The following HMG20B variants were observed in gnomAD, a reference collection of about 807,000 sequenced individuals.
The protein encoded by HMG20B is high mobility group 20B, also known as SWI/SNF-related matrix-associated actin-dependent regulator of chromatin subfamily E member 1-related.
HMG20B carries 24 observed loss-of-function variants against 41.6 expected under a neutral mutation model. The ratio of observed to expected loss-of-function variants is 0.58; its 90% CI spans 0.42 to 0.81. The LOEUF (loss-of-function observed/expected upper bound fraction) is 0.81, where lower values mean the gene tolerates loss of function less well. HMG20B is among the 30% of genes least tolerant of loss of function. The probability of loss-of-function intolerance (pLI) is 0.00; values close to 1 mark genes in which losing one functional copy is unlikely to be tolerated. For synonymous variants in HMG20B, 251 were observed against 186.6 expected, an observed-to-expected ratio of 1.34 and a Z score of -2.81; for missense variants, 461 against 444.0, an observed-to-expected ratio of 1.04 and a Z score of -0.34.
At chr19:3,573,970 C>G in intron 3 of HMG20B, 170 bp downstream of exon 3, 1 of 723,614 alleles carries the variant, frequency 1.4e-6, no homozygotes, top group Non-Finnish European at 2.5e-6. Context: ...GGTCCTCTGC[C>G]ACTCTAAGTC....
At chr19:3,573,869 G>T (rs777893818) in intron 3 of HMG20B, 69 bp downstream of exon 3, 6 of 1,399,580 alleles carry the variant, frequency 4.3e-6, no homozygotes, top group Middle Eastern at 3.5e-4. Context: ...CCCGCCCCAG[G>T]CTGGATTTGA....
Position 3,573,640 on chromosome 19 carries a change from G to T in HMG20B, c.39-52G>T, listed in dbSNP as rs1023672861. ...TCAAAACGCCCTGGGGTGGGCTTTT[G>T]GGGGAGGGGAGATTCTTGGGACGGG... is the stretch of plus-strand genomic sequence containing the variant. On this transcript the variant is annotated intron_variant, in intron 2 of 9. Coordinates refer to ENST00000333651, the MANE Select transcript of HMG20B (RefSeq NM_006339.3). 4 of 1,421,160 alleles carry T rather than the reference G, an allele frequency of 2.8e-6. No homozygotes were observed. In the African/African-American group the frequency reaches 4.4e-5, roughly 16 times the overall value. 88.0% of individuals were successfully genotyped at this position (1,421,160 alleles called of 1,614,324 possible).
chr19:3,573,623 C>T (rs1599853368), intron 2 of HMG20B, 69 bp from the exon 3 acceptor site: 1 of 1,371,732 alleles, frequency 7.3e-7, no homozygotes, highest in Non-Finnish European at 9.6e-7. Flanking sequence ...GGTCAAAACG[C>T]CCTGGGGTGG....
At chr19:3,575,423 A>G in intron 4 of HMG20B, 117 bp from the exon 5 acceptor site, 1 of 1,468,604 alleles carries the variant, frequency 6.8e-7, no homozygotes, top group Non-Finnish European at 9.1e-7. Flanking sequence ...CCTGGAGGGA[A>G]TAGGGAGCTA....
chr19:3,574,063 C>T (rs1027740686), intron 3 of HMG20B: 30 of 650,332 alleles, frequency 4.6e-5, no homozygotes, highest in Middle Eastern at 6.0e-4. Context: ...GCACCCTCCC[C>T]TTGGTCCTGT....
At chr19:3,574,002 T>G (rs1402406317) in intron 3 of HMG20B, 7 of 698,072 alleles carry the variant, frequency 1.0e-5, no homozygotes, top group Non-Finnish European at 1.8e-5. Flanking sequence ...CACCGCACAA[T>G]GCCAGCTCTG....
rs776278979 is a variant in HMG20B at position 3,578,873 on chromosome 19, C to T, written c.*352C>T. 3 of 559,226 alleles carry T rather than the reference C, an allele frequency of 5.4e-6. No homozygotes were observed. The highest frequency in any genetic ancestry group is 1.9e-5 in the African/African-American group (1 of 53,662). 34.6% of individuals were successfully genotyped at this position (559,226 alleles called of 1,614,324 possible). ...GCACACGGCAGGACCCCCCAAATTA[C>T]TCACTACGGGGGGCTGTGCCATAGG... On this transcript the variant is annotated 3_prime_UTR_variant, in exon 10 of 10. Coordinates refer to ENST00000333651, the MANE Select transcript of HMG20B (RefSeq NM_006339.3).
intron 2 of HMG20B, 44 bp downstream of exon 2, chr19:3,573,391 G>A: frequency 6.7e-7 from 1 of 1,492,106 alleles, no homozygotes; most frequent in South Asian, 1.3e-5. Context: ...TACTTTCCCG[G>A]CTGCAGCCCT....
chr19:3,578,361 G>A (rs983683476), intron 9 of HMG20B, 148 bp from the exon 10 acceptor site: 2 of 1,260,220 alleles, frequency 1.6e-6, no homozygotes, highest in East Asian at 2.6e-5. Context: ...GGATCCCAGC[G>A]CCCGGGTTAG....
Position 3,578,520 on chromosome 19 carries a change from G to A in HMG20B, c.953G>A (p.Ter318=), listed in dbSNP as rs1258946679. 6.4e-7 allele frequency: 1 copy of A among 1,572,114 alleles called. No individual in the cohort carries two copies. Among genetic ancestry groups the A allele is most frequent in the East Asian group, 2.3e-5 (1 of 42,670 alleles). The change falls in exon 10 of 10, where the codon TGA becomes TAA. Residue 318 remains the stop codon, a stop_retained_variant. Transcript: ENST00000333651. The part of the protein sequence containing the change: ...ILAQVASEHL[*] ...CTCTCTCGTTTCAGCGAGCACCTGTGAGGAGTGGGCGGGCCCACGATGCAG... is the reference window on the plus strand; with the variant it reads ...CTCTCTCGTTTCAGCGAGCACCTGTAAGGAGTGGGCGGGCCCACGATGCAG...
intron 7 of HMG20B, 59 bp downstream of exon 7, chr19:3,576,684 G>T: frequency 6.7e-7 from 1 of 1,497,020 alleles, no homozygotes; most frequent in Non-Finnish European, 9.2e-7. Flanking sequence ...AGAGGGGGGC[G>T]TGGGCCAGGA....
chr19:3,574,320 C>T (rs2032109917), intron 3 of HMG20B, 63 bp from the exon 4 acceptor site: 2 of 1,276,982 alleles, frequency 1.6e-6, no homozygotes, highest in Non-Finnish European at 1.1e-6. Flanking sequence ...CCCGCCCATG[C>T]CCCTCTGAGC....
At chr19:3,574,264 C>T (rs2032107752) in intron 3 of HMG20B, 119 bp from the exon 4 acceptor site, 1 of 937,814 alleles carries the variant, frequency 1.1e-6, no homozygotes, top group Admixed American at 2.3e-5. Context: ...CCGGGTTCTT[C>T]CTCCCAGCTA....
chr19:3,573,105 G>T (rs986830871), intron 1 of HMG20B, 111 bp downstream of exon 1: 3 of 514,070 alleles, frequency 5.8e-6, no homozygotes, highest in Non-Finnish European at 1.0e-5. Context: ...GGCCTCCCGG[G>T]GGGGGCAATC....
chr19:3,578,132 G>A lies in HMG20B; in HGVS notation c.941+19G>A. 1.2e-6 allele frequency: 2 copies of A among 1,606,762 alleles called. No individual in the cohort carries two copies. Among genetic ancestry groups the A allele is most frequent in the East Asian group, 2.2e-5 (1 of 44,750 alleles). ...TCGCCAGGTGTGTGCCGGGCGAGGC[G>A]GGGCGGGGCCGGGGTTCAAGGCCCG... On this transcript the variant is annotated intron_variant, in intron 9 of 9. Transcript: ENST00000333651.
rs746921745 is a variant in HMG20B, at chr19:3,574,508, C to G, written c.273C>G (p.Arg91=). The G allele has an allele frequency of 6.2e-7, 1 of 1,605,796 alleles. No individual in the cohort carries two copies. Among genetic ancestry groups the G allele is most frequent in the South Asian group, 1.1e-5 (1 of 89,946 alleles). The change falls in exon 4 of 10, where the codon CGC becomes CGG. Residue 91 remains arginine, a synonymous_variant. Coordinates refer to ENST00000333651, the MANE Select transcript of HMG20B (RefSeq NM_006339.3). The part of the protein sequence containing the change: ...LNERREQIRT[R]HPDLPFPEIT... ...AGCGGCGCGAGCAGATCCGCACGCG[C>G]CACCCGGATCTGCCCTTTCCCGAGA...
chr19:3,578,109 G>C lies in HMG20B; in HGVS notation c.937G>C (p.Ala313Pro). The change falls in exon 9 of 10, where the codon GCC (alanine) becomes CCC (proline). Residue 313 changes from alanine to proline, a missense_variant. Ala to Pro is a conservative substitution (Grantham distance 27). Around this residue, in one of 3 missense-constraint regions of HMG20B, gnomAD observed 308 missense variants for 283.4 expected, o/e 1.09. Transcript: ENST00000333651. Reference sequence around the variant, plus strand: ...CATCAAGGAAATCCTGGCCCAGGTCGCCAGGTGTGTGCCGGGCGAGGCGGG... The same window carrying C: ...CATCAAGGAAATCCTGGCCCAGGTCCCCAGGTGTGTGCCGGGCGAGGCGGG... ...VRIKEILAQV[A>P]SEHL is the part of the protein sequence containing the mutation. 6.2e-7 allele frequency: 1 copy of C among 1,610,762 alleles called. No homozygotes were observed. The highest frequency in any genetic ancestry group is 2.2e-5 in the East Asian group (1 of 44,852).
chr19:3,573,131 C>A, intron 1 of HMG20B, 137 bp downstream of exon 1: 1 of 555,694 alleles, frequency 1.8e-6, no homozygotes, highest in Non-Finnish European at 3.0e-6. Context: ...ACAAAGGATT[C>A]TTGGGGCGCC....
chr19:3,575,718 AG>A, intron 5 of HMG20B, 58 bp downstream of exon 5: 1 of 1,464,146 alleles, frequency 6.8e-7, no homozygotes, highest in Non-Finnish European at 9.3e-7. Flanking sequence ...TGGGAGGCCG[AG>A]GCGGGTGTAT....
Sources: gnomAD v4.1 joint callset for allele counts on GRCh38, gnomAD v4.1.1 for gene constraint, gnomAD v4.1.1 regional missense constraint, MANE v1.5 for transcripts, NCBI Gene and HGNC (gene_info 2026-07-23, HGNC 2026-07-21) for gene names.